The following NEK1 variants were observed in gnomAD, a reference collection of about 807,000 sequenced individuals.
NEK1 encodes serine/threonine-protein kinase Nek1.
NEK1 carries 137 observed loss-of-function variants against 182.1 expected under a neutral mutation model. That is an observed-to-expected ratio of 0.75 (90% CI 0.65 to 0.87). The LOEUF is 0.87. Ranked by LOEUF, NEK1 falls within the 40% of genes least tolerant of loss-of-function variation. The pLI is 0.00. For synonymous variants in NEK1, 513 were observed against 492.2 expected (o/e 1.04, Z -0.56); for missense variants, 1,391 against 1,494.4 (o/e 0.93, Z 1.14).
At position 169,460,086 on chromosome 4, in the gene NEK1, G is replaced by A. The variant is rs557528634; in HGVS notation, c.2587+3157C>T. ...TAAAACAAACGTACCTCTCTGGTGTGGGCTATTGATGGTGGGGGAGGCTGT... is the reference window on the plus strand; with the variant it reads ...TAAAACAAACGTACCTCTCTGGTGTAGGCTATTGATGGTGGGGGAGGCTGT... On this transcript the variant is annotated intron_variant, in intron 27 of 35. Transcript: ENST00000507142. 2.6e-5 allele frequency among the ~76,000 whole-genome samples: 4 copies of A among 152,188 alleles called. No homozygotes were observed. The South Asian group carries it at 6.2e-4, about 24-fold the overall frequency.
At chr4:169,611,474 G>A (rs1000014202) in intron 2 of NEK1, among the ~76,000 whole-genome samples, 1 of 152,144 alleles carries the variant, frequency 6.6e-6, no homozygotes, top group African/African-American at 2.4e-5. Context: ...TAGATTGGAT[G>A]CCACTTTTAA....
intron 18 of NEK1, among the ~76,000 whole-genome samples, chr4:169,539,087 C>A (rs1281383699): frequency 6.6e-6 from 1 of 152,060 alleles, no homozygotes; most frequent in African/African-American, 2.4e-5. Flanking sequence ...ATCTCTATAG[C>A]TGGTTTGAAG....
intron 23 of NEK1, among the ~76,000 whole-genome samples, chr4:169,486,521 T>G (rs2149588056): frequency 6.6e-6 from 1 of 152,322 alleles, no homozygotes; most frequent in African/African-American, 2.4e-5. Flanking sequence ...ATGACTTAGT[T>G]TCATATTTTG....
Position 169,547,579 on chromosome 4 carries a change from G to A in NEK1, c.1562+8141C>T, listed in dbSNP as rs1385526607. ...ATCCTGGAGAGTGTTTTCCAAGTTG[G>A]TTTCATTCTCCCCGTCACTTTCAGG... On this transcript the variant is annotated intron_variant, in intron 18 of 35. Transcript: ENST00000507142. Among the ~76,000 whole-genome samples the A allele has an allele frequency of 2.0e-5, 3 of 152,066 alleles. No homozygotes were observed. In the South Asian group the frequency reaches 6.2e-4, roughly 32 times the overall value.
intron 26 of NEK1, among the ~76,000 whole-genome samples, chr4:169,475,250 G>A (rs1036357790): frequency 1.3e-5 from 2 of 151,920 alleles, no homozygotes; most frequent in Non-Finnish European, 2.9e-5. Context: ...CCCAAGTTAG[G>A]AAAAAAAGCA....
intron 31 of NEK1, among the ~76,000 whole-genome samples, chr4:169,423,034 T>C (rs1735749424): frequency 6.6e-6 from 1 of 152,182 alleles, no homozygotes; most frequent in Non-Finnish European, 1.5e-5. Flanking sequence ...AAATTTAAGA[T>C]AAGCATAAGA....
chr4:169,481,813 G>A (rs1183835365), intron 23 of NEK1, among the ~76,000 whole-genome samples: 1 of 152,178 alleles, frequency 6.6e-6, no homozygotes, highest in East Asian at 1.9e-4. Context: ...CTCCCAACAA[G>A]AGAGTCAGCC....
intron 2 of NEK1, among the ~76,000 whole-genome samples, chr4:169,603,947 C>A (rs1000513036): frequency 6.6e-6 from 1 of 152,064 alleles, no homozygotes; most frequent in African/African-American, 2.4e-5. Flanking sequence ...GTGATCTGCC[C>A]GCCTTGGCCT....
At chr4:169,599,813 G>A (rs1019404574) in intron 4 of NEK1, among the ~76,000 whole-genome samples, 2 of 151,944 alleles carry the variant, frequency 1.3e-5, no homozygotes, top group Non-Finnish European at 2.9e-5. Context: ...TTTATGTCTC[G>A]GTCCACAAAG....
rs148221143 is a variant in NEK1, at chr4:169,498,961, G to C, written c.2007+8076C>G. Among the ~76,000 whole-genome samples, 928 of 152,316 alleles carry C rather than the reference G, an allele frequency of 6.1e-3. 14 individuals carry two copies. Among genetic ancestry groups the C allele is most frequent in the African/African-American group, 0.021 (892 of 41,558 alleles). On this transcript the variant is annotated intron_variant, in intron 23 of 35. Coordinates refer to ENST00000507142, the MANE Select transcript of NEK1 (RefSeq NM_001199397.3). Reference sequence around the variant, plus strand: ...ATATGAATGTTGGCATGTCTTGCTAGATTGGGGAAGTTCTCCTGGATAATA... The same window carrying C: ...ATATGAATGTTGGCATGTCTTGCTACATTGGGGAAGTTCTCCTGGATAATA...
At position 169,561,014 on chromosome 4, in the gene NEK1, A is replaced by G. The variant is rs551138151; in HGVS notation, c.1266+466T>C. 1.2e-4 allele frequency among the ~76,000 whole-genome samples: 18 copies of G among 152,310 alleles called. 1 individual carries two copies. In the South Asian group the frequency reaches 3.7e-3, roughly 32 times the overall value. On this transcript the variant is annotated intron_variant, in intron 16 of 35. Transcript: ENST00000507142. ...GACAAAGAGATTTGGCAAACCACATATAGTAATGAAACTACAAATATAGTC... is the reference window on the plus strand; with the variant it reads ...GACAAAGAGATTTGGCAAACCACATGTAGTAATGAAACTACAAATATAGTC...
At chr4:169,464,815 T>C (rs1276587252) in intron 26 of NEK1, among the ~76,000 whole-genome samples, 2 of 152,038 alleles carry the variant, frequency 1.3e-5, no homozygotes, top group African/African-American at 4.8e-5. Flanking sequence ...CTAAGAAAAT[T>C]TGTCCTGCTT....
intron 18 of NEK1, among the ~76,000 whole-genome samples, chr4:169,550,782 A>G (rs1761308240): frequency 6.6e-6 from 1 of 152,162 alleles, no homozygotes; most frequent in Admixed American, 6.5e-5. Flanking sequence ...TCTAACACAC[A>G]TATTTTCTCC....
chr4:169,580,952 A>G, intron 10 of NEK1, 50 bp from the exon 11 acceptor site: 1 of 1,037,448 alleles, frequency 9.6e-7, no homozygotes, highest in South Asian at 1.6e-5. Flanking sequence ...TTTTCAAAAT[A>G]AAAAACCTAC....
At chr4:169,428,351 G>GATAGATATATATATATATAT (rs1736771741) in intron 29 of NEK1, among the ~76,000 whole-genome samples, 1 of 93,224 alleles carries the variant, frequency 1.1e-5, no homozygotes, top group African/African-American at 3.3e-5. Context: ...AAATATATGG[G>GATAGATATATATATATATAT]ATATATATAT....
chr4:169,534,257 C>CA (rs1354110695), intron 19 of NEK1, among the ~76,000 whole-genome samples: 7 of 152,274 alleles, frequency 4.6e-5, no homozygotes, highest in African/African-American at 1.7e-4. Flanking sequence ...CAACAGACAG[C>CA]ACAGGAGAGT....
At chr4:169,581,326 G>T (rs1766617811) in intron 10 of NEK1, among the ~76,000 whole-genome samples, 1 of 152,146 alleles carries the variant, frequency 6.6e-6, no homozygotes, top group Admixed American at 6.5e-5. Flanking sequence ...GGAGTACAGT[G>T]AGACAACAAT....
chr4:169,597,194 T>C (rs750914463), intron 5 of NEK1, among the ~76,000 whole-genome samples: 4 of 152,212 alleles, frequency 2.6e-5, no homozygotes, highest in Non-Finnish European at 5.9e-5. Flanking sequence ...TAACATACAT[T>C]ACTATTTGAC....
chr4:169,524,844 G>A (rs902095460), intron 19 of NEK1, among the ~76,000 whole-genome samples: 5 of 152,126 alleles, frequency 3.3e-5, no homozygotes, highest in African/African-American at 7.2e-5. Context: ...GTCCATAAAC[G>A]GTGTACTGGA....
Sources: gnomAD v4.1 joint callset for allele counts (sites outside exome capture counted in the v4.1 genomes callset) on GRCh38, gnomAD v4.1.1 for gene constraint, MANE v1.5 for transcripts, NCBI Gene and HGNC (gene_info 2026-07-23, HGNC 2026-07-21) for gene names.